The following INTS6 variants were observed in gnomAD, a reference collection of about 807,000 sequenced individuals.
The protein encoded by INTS6 is integrator complex subunit 6.
Under a neutral mutation model 104.9 loss-of-function variants are expected in INTS6, and 16 were observed. That is an observed-to-expected ratio of 0.15 (90% CI 0.10 to 0.23). The LOEUF (loss-of-function observed/expected upper bound fraction) is 0.23. INTS6 is among the 10% of genes least tolerant of loss of function. INTS6 has a pLI of 1.00. For synonymous variants in INTS6, 324 were observed against 358.7 expected (o/e 0.90, Z 1.09); for missense variants, 584 against 1,062.8 (o/e 0.55, Z 6.26).
At chr13:51,380,490 A>C (rs1238201623) in intron 10 of INTS6, among the ~76,000 whole-genome samples, 1 of 152,186 alleles carries the variant, frequency 6.6e-6, no homozygotes, top group Non-Finnish European at 1.5e-5. Flanking sequence ...TAAATGAGTC[A>C]ACATATGTAA....
rs2137931968 is a variant in INTS6 at position 51,386,296 on chromosome 13, T to C, written c.894+1090A>G. The stretch of plus-strand genomic sequence containing the variant: ...CAGGTACTGTATGTTCTCCTGTACA[T>C]GTTAAATAAATAGAATAAATAACCA... On this transcript the variant is annotated intron_variant, in intron 7 of 17. Transcript: ENST00000311234. Among the ~76,000 whole-genome samples, 3 of 152,150 alleles carry C rather than the reference T, an allele frequency of 2.0e-5. No homozygotes were observed. In the Middle Eastern group the frequency reaches 0.01, roughly 518 times the overall value.
chr13:51,349,583 C>A (rs1226433658), downstream of INTS6, among the ~76,000 whole-genome samples: 3 of 152,140 alleles, frequency 2.0e-5, no homozygotes, highest in Non-Finnish European at 2.9e-5. Context: ...TCGCCACAAC[C>A]TTTTTGGGTT....
rs995001049 is a variant in INTS6, at chr13:51,452,993, C to G, written c.-468G>C. 7 of 1,003,572 alleles carry G rather than the reference C, an allele frequency of 7.0e-6. No individual in the cohort carries two copies. In the Admixed American group the frequency reaches 4.3e-4, roughly 61 times the overall value. 62.2% of individuals were successfully genotyped at this position (1,003,572 alleles called of 1,614,324 possible). ...GAAGTTTCAGGGACTCCCTCCGCACCCCGGCGGTGTCACCACTTTCTCAGC... is the reference window on the plus strand; with the variant it reads ...GAAGTTTCAGGGACTCCCTCCGCACGCCGGCGGTGTCACCACTTTCTCAGC... On this transcript the variant is annotated 5_prime_UTR_variant, in exon 1 of 18. Transcript: ENST00000311234. This position sits in a 1 kb window ranked among gnomAD's most constrained non-coding sequence, Gnocchi z 4.2.
At position 51,361,641 on chromosome 13, in the gene INTS6, G is replaced by A. The variant is rs1192661271; in HGVS notation, c.*4111C>T. On this transcript the variant is annotated 3_prime_UTR_variant, in exon 18 of 18. Coordinates refer to ENST00000311234, the MANE Select transcript of INTS6 (RefSeq NM_012141.3). ...AAACAGGAGACAGGATTGGCTAAATGGCATCTTTTCTCTTTAATTTTCCCA... is the reference window on the plus strand; with the variant it reads ...AAACAGGAGACAGGATTGGCTAAATAGCATCTTTTCTCTTTAATTTTCCCA... The A allele has an allele frequency of 1.6e-6, 1 of 621,476 alleles. No individual in the cohort carries two copies. The allele number at this position is 621,476 out of a possible 1,614,324, so 38.5% of individuals were successfully genotyped here. A position where few individuals can be genotyped will look rare whatever the true frequency, so the allele number is the denominator to read the frequency against.
At chr13:51,346,334 G>T in the INTS6 span, among the ~76,000 whole-genome samples, 6 of 152,098 alleles carry the variant, frequency 3.9e-5, no homozygotes, top group Admixed American at 3.9e-4. Context: ...GGGACTGGGG[G>T]CGACAATGTG....
chr13:51,400,700 T>C (rs1956420444), intron 4 of INTS6, among the ~76,000 whole-genome samples: 1 of 152,162 alleles, frequency 6.6e-6, no homozygotes, highest in Admixed American at 6.5e-5. Flanking sequence ...TCTCTACACA[T>C]TGTTAAAAGT....
intron 4 of INTS6, among the ~76,000 whole-genome samples, chr13:51,416,259 A>C (rs1956784459): frequency 6.6e-6 from 1 of 152,198 alleles, no homozygotes; most frequent in Non-Finnish European, 1.5e-5. Context: ...TAAAGATACA[A>C]GTTCTTCTAT....
chr13:51,376,287 T>A, intron 12 of INTS6, 113 bp from the exon 13 acceptor site: 1 of 742,342 alleles, frequency 1.3e-6, no homozygotes, highest in Non-Finnish European at 2.0e-6. Context: ...CTGGTTAGCT[T>A]AAAAAAAATA....
At chr13:51,360,657 C>A (rs562705819), downstream of INTS6, among the ~76,000 whole-genome samples, 1 of 152,188 alleles carries the variant, frequency 6.6e-6, no homozygotes, top group South Asian at 2.1e-4. Context: ...TTTGTAGATT[C>A]TAGCCCATGA....
In INTS6 at chr13:51,361,982, T is replaced by C. The variant is rs1337650229; in HGVS notation, c.*3770A>G. On this transcript the variant is annotated 3_prime_UTR_variant, in exon 18 of 18. Coordinates refer to ENST00000311234, the MANE Select transcript of INTS6 (RefSeq NM_012141.3). ...CATTTGTCCACTATCCCCTCAAAAATAAGCATTCTTTCTAGCTGTTTTTAT... is the reference window on the plus strand; with the variant it reads ...CATTTGTCCACTATCCCCTCAAAAACAAGCATTCTTTCTAGCTGTTTTTAT... 6.2e-7 allele frequency: 1 copy of C among 1,610,768 alleles called. No homozygotes were observed. Among genetic ancestry groups the C allele is most frequent in the Non-Finnish European group, 8.5e-7 (1 of 1,178,244 alleles).
chr13:51,388,900 A>T (rs200722120), intron 6 of INTS6, among the ~76,000 whole-genome samples: 1 of 19,838 alleles, frequency 5.0e-5, no homozygotes, highest in South Asian at 1.8e-3. Flanking sequence ...TTTGACCCAC[A>T]ATAAACCATT....
chr13:51,383,924 C>T, intron 7 of INTS6, 183 bp from the exon 8 acceptor site: 1 of 409,742 alleles, frequency 2.4e-6, no homozygotes, highest in Non-Finnish European at 4.3e-6. Flanking sequence ...ATGTAATATT[C>T]ACAACAAAAA....
At chr13:51,423,025 C>T (rs1956923224) in intron 4 of INTS6, 5 of 1,260,110 alleles carry the variant, frequency 4.0e-6, no homozygotes, top group Non-Finnish European at 5.2e-6. Flanking sequence ...TGTTTATTTA[C>T]TTGCCTGTCT....
chr13:51,446,958 A>G (rs148953273), intron 3 of INTS6: 66 of 152,346 alleles, frequency 4.3e-4, no homozygotes, highest in African/African-American at 1.6e-3. Context: ...TTGGTTGCAC[A>G]GCAATATGAA....
chr13:51,370,028 T>C (rs995196061), intron 15 of INTS6, among the ~76,000 whole-genome samples: 1 of 152,188 alleles, frequency 6.6e-6, no homozygotes, highest in Non-Finnish European at 1.5e-5. Context: ...GCTGAATTCA[T>C]CTCTACTGTC....
At chr13:51,451,939 G>T (rs1953064453) in intron 2 of INTS6, 39 bp downstream of exon 2, 2 of 1,514,510 alleles carry the variant, frequency 1.3e-6, no homozygotes, top group Non-Finnish European at 1.8e-6. Flanking sequence ...AAGGAACAGG[G>T]AAGGGAAGGG....
chr13:51,425,735 G>A, intron 4 of INTS6, among the ~76,000 whole-genome samples: 1 of 151,956 alleles, frequency 6.6e-6, no homozygotes, highest in East Asian at 1.9e-4. Flanking sequence ...GATATCAGAA[G>A]AAAATCCTTT....
intron 16 of INTS6, among the ~76,000 whole-genome samples, 176 bp from the exon 17 acceptor site, chr13:51,368,074 C>T (rs557847311): frequency 6.6e-6 from 1 of 152,042 alleles, no homozygotes; most frequent in African/African-American, 2.4e-5. Flanking sequence ...AGTAAGTACA[C>T]AGCAACAAAG....
intron 3 of INTS6, chr13:51,449,431 T>C (rs1952989732): frequency 1.0e-6 from 1 of 976,408 alleles, no homozygotes; most frequent in South Asian, 4.7e-5. Flanking sequence ...CAGGTTTAAA[T>C]TACAAATGTC....
Sources: allele counts gnomAD v4.1 joint callset (sites outside exome capture counted in the v4.1 genomes callset), GRCh38; gene constraint gnomAD v4.1.1; non-coding constraint Gnocchi (gnomAD v3.1); transcripts MANE v1.5; gene names NCBI Gene and HGNC (gene_info 2026-07-23, HGNC 2026-07-21).